The following FRMD4B variants were observed in gnomAD, a reference collection of about 807,000 sequenced individuals.
FRMD4B encodes FERM domain-containing protein 4B.
A neutral mutation model predicts 141.5 loss-of-function variants in FRMD4B; 74 were observed. The ratio of observed to expected loss-of-function variants is 0.52; its 90% CI spans 0.43 to 0.63. FRMD4B has a LOEUF of 0.63. Among genes scored for constraint, FRMD4B ranks in the 30% least tolerant of loss-of-function variants. The pLI is 0.00. For synonymous variants in FRMD4B, 506 were observed against 467.9 expected (o/e 1.08, Z -1.05); for missense variants, 1,366 against 1,253.4 (o/e 1.09, Z -1.36).
intron 5 of FRMD4B, among the ~76,000 whole-genome samples, chr3:69,261,134 C>T (rs887861539): frequency 1.3e-5 from 2 of 152,202 alleles, no homozygotes; most frequent in African/African-American, 2.4e-5. Flanking sequence ...TGCAATAAAT[C>T]TTGCTGCTGC....
intron 2 of FRMD4B, among the ~76,000 whole-genome samples, chr3:69,404,844 A>T (rs1230272484): frequency 6.6e-6 from 1 of 152,152 alleles, no homozygotes; most frequent in Non-Finnish European, 1.5e-5. Context: ...ATCTTGTTAT[A>T]CTCAGGTATG....
chr3:69,451,460 G>A (rs1050279296), intron 1 of FRMD4B, among the ~76,000 whole-genome samples: 1 of 152,156 alleles, frequency 6.6e-6, no homozygotes, highest in Non-Finnish European at 1.5e-5. Flanking sequence ...GTGGAAGGTG[G>A]AAACAGCACG....
intron 1 of FRMD4B, among the ~76,000 whole-genome samples, chr3:69,364,541 T>C (rs575424358): frequency 8.5e-5 from 13 of 152,278 alleles, no homozygotes; most frequent in Non-Finnish European, 1.5e-4. Flanking sequence ...TTAAAGTCTA[T>C]ATACAAACAA....
chr3:69,426,706 C>T (rs1705084782), intron 2 of FRMD4B, among the ~76,000 whole-genome samples: 1 of 152,184 alleles, frequency 6.6e-6, no homozygotes, highest in Admixed American at 6.5e-5. Context: ...AAAGATCACA[C>T]TGCAGACCCA....
In FRMD4B at chr3:69,530,675, G is replaced by T. The variant is rs149997800; in HGVS notation, c.-129+11531C>A. ...AAGGTCTGCCAACTTCTGCATTACA[G>T]AATTGCCACGCTTTCCTCTGACTGC... On this transcript the variant is annotated intron_variant, in intron 1 of 5. Transcript: ENST00000459638. 8.5e-5 allele frequency among the ~76,000 whole-genome samples: 13 copies of T among 152,078 alleles called. No individual in the cohort carries two copies. The East Asian group carries it at 1.5e-3, about 18-fold the overall frequency.
chr3:69,398,373 T>C (rs1704506010), intron 2 of FRMD4B, among the ~76,000 whole-genome samples: 1 of 152,230 alleles, frequency 6.6e-6, no homozygotes, highest in Non-Finnish European at 1.5e-5. Context: ...ATATCCATCA[T>C]GTAAAACATT....
chr3:69,239,734 A>G (rs1198321434), intron 7 of FRMD4B, among the ~76,000 whole-genome samples: 1 of 152,094 alleles, frequency 6.6e-6, no homozygotes, highest in Admixed American at 6.6e-5. Flanking sequence ...TGTTTTTCCA[A>G]GATGAAAAAG....
chr3:69,328,843 C>G (rs1702266656), intron 1 of FRMD4B, among the ~76,000 whole-genome samples: 1 of 152,024 alleles, frequency 6.6e-6, no homozygotes, highest in African/African-American at 2.4e-5. Context: ...CTGCCTGTTT[C>G]CTGGAAAATT....
intron 1 of FRMD4B, among the ~76,000 whole-genome samples, chr3:69,489,016 A>G: frequency 6.6e-6 from 1 of 152,092 alleles, no homozygotes; most frequent in South Asian, 2.1e-4. Context: ...CACAAGCAGT[A>G]AAAGAGAAGG....
chr3:69,252,553 C>A (rs1260362406), intron 5 of FRMD4B, among the ~76,000 whole-genome samples: 1 of 152,202 alleles, frequency 6.6e-6, no homozygotes, highest in Non-Finnish European at 1.5e-5. Flanking sequence ...AATTTTGAGT[C>A]CTAATACTGA....
intron 17 of FRMD4B, among the ~76,000 whole-genome samples, chr3:69,191,712 T>C (rs891332579): frequency 3.9e-5 from 6 of 152,214 alleles, no homozygotes; most frequent in African/African-American, 1.4e-4. Flanking sequence ...ATACTTTCAC[T>C]GTAAAGGAGA....
At chr3:69,212,359 C>CAAAAAAAAAAAAAAAAAAAA (rs869309749) in intron 11 of FRMD4B, among the ~76,000 whole-genome samples, 9 of 25,344 alleles carry the variant, frequency 3.6e-4, no homozygotes, top group Non-Finnish European at 5.2e-4. Flanking sequence ...AACCCCGTCT[C>CAAAAAAAAAAAAAAAAAAAA]AAAAAAAAAA....
chr3:69,470,611 G>T (rs1388616597), intron 1 of FRMD4B, among the ~76,000 whole-genome samples: 1 of 152,092 alleles, frequency 6.6e-6, no homozygotes, highest in Non-Finnish European at 1.5e-5. Context: ...AGCTCCAATT[G>T]GTGGGCAATG....
At chr3:69,304,722 C>T (rs1278056146) in intron 3 of FRMD4B, among the ~76,000 whole-genome samples, 1 of 152,068 alleles carries the variant, frequency 6.6e-6, no homozygotes, top group African/African-American at 2.4e-5. Context: ...CCAACTAGTC[C>T]ATCCATTTTA....
intron 1 of FRMD4B, among the ~76,000 whole-genome samples, chr3:69,451,866 A>T (rs1705507154): frequency 6.6e-6 from 1 of 152,202 alleles, no homozygotes; most frequent in Non-Finnish European, 1.5e-5. Context: ...TCTTTTGACA[A>T]AAGACAGGTG....
chr3:69,428,539 A>T (rs1263752866), intron 2 of FRMD4B, among the ~76,000 whole-genome samples: 1 of 151,644 alleles, frequency 6.6e-6, no homozygotes, highest in African/African-American at 2.4e-5. Flanking sequence ...AAAATATTGT[A>T]CTTTTGTTTT....
At chr3:69,530,101 T>C (rs1023826999) in intron 1 of FRMD4B, among the ~76,000 whole-genome samples, 2 of 152,272 alleles carry the variant, frequency 1.3e-5, no homozygotes, top group Non-Finnish European at 2.9e-5. Context: ...CATTAATTTA[T>C]GTATTGTCTG....
intron 1 of FRMD4B, among the ~76,000 whole-genome samples, chr3:69,377,690 T>TA (rs1237407499): frequency 6.6e-6 from 1 of 152,168 alleles, no homozygotes; most frequent in Non-Finnish European, 1.5e-5. Flanking sequence ...GGAGAAGACC[T>TA]ACCCCTCTCG....
chr3:69,204,379 A>G (rs1398020225), intron 11 of FRMD4B, among the ~76,000 whole-genome samples: 1 of 152,170 alleles, frequency 6.6e-6, no homozygotes, highest in East Asian at 1.9e-4. Context: ...TGGCTTTTTA[A>G]TGGCAACTCA....
Sources: gnomAD v4.1 joint callset for allele counts (sites outside exome capture counted in the v4.1 genomes callset) on GRCh38, gnomAD v4.1.1 for gene constraint, MANE v1.5 for transcripts, NCBI Gene and HGNC (gene_info 2026-07-23, HGNC 2026-07-21) for gene names.